The following ADARB2 variants were observed in gnomAD, a reference collection of about 807,000 sequenced individuals.
ADARB2 encodes adenosine deaminase RNA specific B2 (inactive), also known as inactive double-stranded RNA-specific editase B2.
In ADARB2, 25 loss-of-function variants were observed where a neutral mutation model predicts 62.2. That is an observed-to-expected ratio of 0.40 (90% CI 0.29 to 0.56). The LOEUF (loss-of-function observed/expected upper bound fraction) is 0.56, where lower values mean the gene tolerates loss of function less well. Among genes scored for constraint, ADARB2 ranks in the 20% least tolerant of loss-of-function variants. The pLI, the probability that ADARB2 is intolerant of heterozygous loss-of-function variation, is 0.43. For synonymous variants in ADARB2, 572 were observed against 500.8 expected (o/e 1.14, Z -1.90); for missense variants, 1,071 against 1,077.4 (o/e 0.99, Z 0.08).
chr10:1,406,072 T>C (rs1365452269), intron 1 of ADARB2, among the ~76,000 whole-genome samples: 9 of 152,234 alleles, frequency 5.9e-5, no homozygotes, highest in African/African-American at 1.9e-4. Context: ...TAGATACACC[T>C]GTTTATTACA....
rs1346156480 is a variant in ADARB2 at position 1,737,139 on chromosome 10, G to T, written c.12C>A (p.Val4=). 6.2e-7 allele frequency: 1 copy of T among 1,608,346 alleles called. No homozygotes were observed. Among genetic ancestry groups the T allele is most frequent in the Non-Finnish European group, 8.5e-7 (1 of 1,179,866 alleles). Reference sequence around the variant, plus strand: ...CTCCAGACCCTCTGCCGCTCCCCAGGACCGAGGCCATGGCCGAGACCCAGG... The same window carrying T: ...CTCCAGACCCTCTGCCGCTCCCCAGTACCGAGGCCATGGCCGAGACCCAGG... The part of the protein sequence containing the change: MAS[V]LGSGRGSGGL... Residue 4 remains valine (V), a synonymous_variant, in exon 1 of 10, where the codon GTC becomes GTA. Coordinates refer to ENST00000381312, the MANE Select transcript of ADARB2 (RefSeq NM_018702.4).
chr10:1,544,014 CA>C (rs1832479651), intron 1 of ADARB2, among the ~76,000 whole-genome samples: 1 of 19,420 alleles, frequency 5.1e-5, no homozygotes, highest in African/African-American at 1.3e-4. Context: ...AAAAAAAAAA[CA>C]AACAAAAAAA....
At chr10:1,621,928 C>A in intron 1 of ADARB2, among the ~76,000 whole-genome samples, 2 of 151,178 alleles carry the variant, frequency 1.3e-5, no homozygotes, top group African/African-American at 2.4e-5. Flanking sequence ...AACAATTTTG[C>A]AAAAAAATAA....
In ADARB2 at chr10:1,477,900, T is replaced by C. The variant is rs995407374; in HGVS notation, c.101-98740A>G. Reference sequence around the variant, plus strand: ...TGCACTGGGAGGTTCCCTCCTGCCCTGACATGCATCCCAGGGAAGAGCCCC... The same window carrying C: ...TGCACTGGGAGGTTCCCTCCTGCCCCGACATGCATCCCAGGGAAGAGCCCC... On this transcript the variant is annotated intron_variant, in intron 1 of 9. Coordinates refer to ENST00000381312, the MANE Select transcript of ADARB2 (RefSeq NM_018702.4). The surrounding 1 kb of genome is among the most constrained non-coding windows in gnomAD (Gnocchi z 4.5). Among the ~76,000 whole-genome samples, 1 of 152,240 alleles carries C rather than the reference T, an allele frequency of 6.6e-6. No individual in the cohort carries two copies. The highest frequency in any genetic ancestry group is 1.5e-5 in the Non-Finnish European group (1 of 68,034).
intron 1 of ADARB2, among the ~76,000 whole-genome samples, chr10:1,478,458 G>A (rs1237337377): frequency 2.0e-5 from 3 of 152,182 alleles, no homozygotes; most frequent in African/African-American, 7.2e-5. Flanking sequence ...AATTTGTTGG[G>A]GAAAATGTCC....
At chr10:1,471,421 G>A (rs11250552) in intron 1 of ADARB2, among the ~76,000 whole-genome samples, 73,685 of 151,390 alleles carry the variant, frequency 0.49, 18,163 homozygotes, top group Admixed American at 0.57. Context: ...ATGGAGTTTC[G>A]CTCTTGTTGC....
At chr10:1,692,745 A>G (rs1414359674) in intron 1 of ADARB2, among the ~76,000 whole-genome samples, 1 of 152,222 alleles carries the variant, frequency 6.6e-6, no homozygotes, top group Non-Finnish European at 1.5e-5. Flanking sequence ...ACATTAATGA[A>G]TGAATGAATG....
chr10:1,392,939 G>C (rs772905652), intron 1 of ADARB2, among the ~76,000 whole-genome samples: 1 of 152,124 alleles, frequency 6.6e-6, no homozygotes, highest in Non-Finnish European at 1.5e-5. Context: ...TCTTTAAAGA[G>C]GTAATTGTGT....
intron 1 of ADARB2, among the ~76,000 whole-genome samples, chr10:1,513,983 G>A (rs1831972550): frequency 6.6e-6 from 1 of 151,568 alleles, no homozygotes; most frequent in Non-Finnish European, 1.5e-5. Flanking sequence ...AGCATTGTGG[G>A]ATGCTGAGGC....
intron 1 of ADARB2, among the ~76,000 whole-genome samples, chr10:1,577,922 G>A (rs912866349): frequency 3.3e-5 from 5 of 152,162 alleles, no homozygotes; most frequent in Non-Finnish European, 5.9e-5. Context: ...CAACCAGAGG[G>A]ACAACCCTGT....
intron 4 of ADARB2, among the ~76,000 whole-genome samples, chr10:1,257,122 C>T (rs1264932107): frequency 1.3e-5 from 2 of 152,232 alleles, no homozygotes. Flanking sequence ...GCCCTGTGAG[C>T]TCCACGCCCT....
intron 7 of ADARB2, among the ~76,000 whole-genome samples, chr10:1,203,540 G>T (rs964984441): frequency 2.6e-5 from 4 of 152,224 alleles, no homozygotes; most frequent in African/African-American, 9.6e-5. Context: ...CTGCAGCTCT[G>T]CAGGGCTGGC....
intron 1 of ADARB2, among the ~76,000 whole-genome samples, chr10:1,406,781 AC>A (rs1346094015): frequency 2.6e-5 from 4 of 151,044 alleles, no homozygotes; most frequent in Non-Finnish European, 4.4e-5. Flanking sequence ...CCCATTGTCA[AC>A]CCCCTGGCCC....
intron 1 of ADARB2, among the ~76,000 whole-genome samples, chr10:1,536,513 C>A (rs1365041065): frequency 1.3e-5 from 2 of 152,360 alleles, no homozygotes; most frequent in South Asian, 2.1e-4. Flanking sequence ...GAAGGCAGGT[C>A]TGCACCTGCG....
intron 1 of ADARB2, among the ~76,000 whole-genome samples, chr10:1,501,226 A>G (rs190501736): frequency 1.3e-5 from 2 of 152,330 alleles, no homozygotes; most frequent in East Asian, 1.9e-4. Context: ...CAGCTTAAAC[A>G]TTCCTGCAGT....
chr10:1,647,009 T>A (rs1046246088), intron 1 of ADARB2, among the ~76,000 whole-genome samples: 10 of 152,118 alleles, frequency 6.6e-5, no homozygotes, highest in African/African-American at 2.4e-4. Context: ...GAGGATAAAA[T>A]CCAAAGGAGA....
intron 1 of ADARB2, among the ~76,000 whole-genome samples, chr10:1,595,517 C>T (rs138420066): frequency 3.7e-4 from 57 of 152,294 alleles, no homozygotes; most frequent in African/African-American, 1.2e-3. Flanking sequence ...ATCTGCTGGT[C>T]GGAACCATGG....
chr10:1,645,215 A>G (rs1834024363), intron 1 of ADARB2, among the ~76,000 whole-genome samples: 1 of 152,178 alleles, frequency 6.6e-6, no homozygotes, highest in African/African-American at 2.4e-5. Flanking sequence ...CAATAGCACG[A>G]TTCGCTCCAT....
At chr10:1,366,024 A>T (rs563418757) in intron 2 of ADARB2, among the ~76,000 whole-genome samples, 1 of 152,186 alleles carries the variant, frequency 6.6e-6, no homozygotes, top group Non-Finnish European at 1.5e-5. Context: ...AACCCATAGG[A>T]TAGGATATTA....
Sources: allele counts gnomAD v4.1 joint callset (sites outside exome capture counted in the v4.1 genomes callset), GRCh38; gene constraint gnomAD v4.1.1; non-coding constraint Gnocchi (gnomAD v3.1); transcripts MANE v1.5; gene names NCBI Gene and HGNC (gene_info 2026-07-23, HGNC 2026-07-21).